Variants in NEFL observed in about 807,000 individuals in gnomAD.
The protein encoded by NEFL is neurofilament light polypeptide.
Under a neutral mutation model 51.6 loss-of-function variants are expected in NEFL, and 36 were observed. The ratio of observed to expected loss-of-function variants is 0.70; its 90% CI spans 0.53 to 0.92. NEFL has a LOEUF of 0.92. Ranked by LOEUF, NEFL falls within the 40% of genes least tolerant of loss-of-function variation. The probability of loss-of-function intolerance (pLI) is 0.00; values close to 1 mark genes in which losing one functional copy is unlikely to be tolerated. For missense variants in NEFL, 671 were observed against 722.0 expected (o/e 0.93, Z 0.81); for synonymous variants, 332 against 302.5 (o/e 1.10, Z -1.01).
At position 24,955,658 on chromosome 8, in the gene NEFL, C is replaced by T; in HGVS notation, c.858G>A (p.Val286=). The T allele has an allele frequency of 6.2e-7, 1 of 1,613,882 alleles. No homozygotes were observed. ...AEEWFKSRFT[V]LTESAAKNTD... Reference sequence around the variant, plus strand: ...TGTTCTTGGCGGCGCTCTCGGTCAGCACGGTGAAGCGGCTCTTGAACCATT... The same window carrying T: ...TGTTCTTGGCGGCGCTCTCGGTCAGTACGGTGAAGCGGCTCTTGAACCATT... The change falls in exon 1 of 4, where the codon GTG becomes GTA. Residue 286 remains valine (V), a synonymous_variant. Coordinates refer to ENST00000610854, the MANE Select transcript of NEFL (RefSeq NM_006158.5). The surrounding 1 kb of genome is among the most constrained non-coding windows in gnomAD (Gnocchi z 4.0).
Position 24,956,056 on chromosome 8 carries a change from T to C in NEFL, c.460A>G (p.Thr154Ala). The change falls in exon 1 of 4, where the codon ACC (threonine) becomes GCC (alanine). Residue 154 changes from threonine (T) to alanine (A), a missense_variant. Coordinates refer to ENST00000610854, the MANE Select transcript of NEFL (RefSeq NM_006158.5). This position sits in a 1 kb window ranked among gnomAD's most constrained non-coding sequence, Gnocchi z 5.9. ...RDLRLAAEDA[T>A]NEKQALQGER... ...CCCTGGAGCGCCTGCTTCTCGTTGG[T>C]GGCATCTTCCGCCGCCAGGCGCAGG... is the stretch of plus-strand genomic sequence containing the variant. 6.2e-7 allele frequency: 1 copy of C among 1,604,288 alleles called. No individual in the cohort carries two copies. Among genetic ancestry groups the C allele is most frequent in the East Asian group, 2.2e-5 (1 of 44,718 alleles).
At position 24,956,086 on chromosome 8, in the gene NEFL, G is replaced by C; in HGVS notation, c.430C>G (p.Arg144Gly). 1.2e-6 allele frequency: 2 copies of C among 1,605,086 alleles called. No homozygotes were observed. The highest frequency in any genetic ancestry group is 2.2e-5 in the East Asian group (1 of 44,716). Residue 144 changes from arginine (R) to glycine (G), a missense_variant, in exon 1 of 4, where the codon CGC becomes GGC. Transcript: ENST00000610854. The surrounding 1 kb of genome is among the most constrained non-coding windows in gnomAD (Gnocchi z 5.9). ...RFRALYEQEIRDLRLAAEDAT... is the reference protein window; with the variant it reads ...RFRALYEQEIGDLRLAAEDAT... Reference sequence around the variant, plus strand: ...TCTTCCGCCGCCAGGCGCAGGTCGCGGATCTCCTGCTCGTACAGCGCCCGG... The same window carrying C: ...TCTTCCGCCGCCAGGCGCAGGTCGCCGATCTCCTGCTCGTACAGCGCCCGG...
chr8:24,956,031 C>T lies in NEFL; in HGVS notation c.485G>A (p.Gly162Asp). 1 of 1,604,418 alleles carries T rather than the reference C, an allele frequency of 6.2e-7. No homozygotes were observed. The highest frequency in any genetic ancestry group is 8.5e-7 in the Non-Finnish European group (1 of 1,178,932). ...DATNEKQALQ[G>D]EREGLEETLR... ...GGTCTCCTCCAGCCCTTCGCGCTCG[C>T]CCTGGAGCGCCTGCTTCTCGTTGGT... The change falls in exon 1 of 4, where the codon GGC becomes GAC. Residue 162 changes from glycine (G) to aspartate (D), a missense_variant. Physicochemically the swap from Gly to Asp is moderately conservative, Grantham distance 94. Transcript: ENST00000610854. This position sits in a 1 kb window ranked among gnomAD's most constrained non-coding sequence, Gnocchi z 5.9.
rs1393822019 is a variant in NEFL at position 24,951,981 on chromosome 8, A to G, written c.*829T>C. On this transcript the variant is annotated 3_prime_UTR_variant, in exon 4 of 4. Transcript: ENST00000610854. ...ATCAGTTTGAAATGACCTATTTATCATGGTTCCATAGTGTAATGGTTAGCA... is the reference window on the plus strand; with the variant it reads ...ATCAGTTTGAAATGACCTATTTATCGTGGTTCCATAGTGTAATGGTTAGCA... 1 of 152,298 alleles carries G rather than the reference A, an allele frequency of 6.6e-6. No individual in the cohort carries two copies. The highest frequency in any genetic ancestry group is 1.5e-5 in the Non-Finnish European group (1 of 68,032). The allele number at this position is 152,298 out of a possible 1,614,324, so 9.4% of individuals were successfully genotyped here. A position where few individuals can be genotyped will look rare whatever the true frequency, so the allele number is the denominator to read the frequency against.
At position 24,953,555 on chromosome 8, in the gene NEFL, G is replaced by A. The variant is rs750359402; in HGVS notation, c.1410C>T (p.Pro470=). Residue 470 remains proline, a synonymous_variant, in exon 3 of 4, where the codon CCC becomes CCT. Transcript: ENST00000610854. ...CCTCCTCGGCTTCTCCTTCAGAGGG[G>A]GGCTCATCCTTGGCTTCCTCAGCCT... ...AAKAEEAKDE[P]PSEGEAEEEE... is the part of the protein sequence containing the mutation. 1.9e-6 allele frequency: 3 copies of A among 1,613,760 alleles called. No homozygotes were observed. The highest frequency in any genetic ancestry group is 2.5e-6 in the Non-Finnish European group (3 of 1,179,832).
rs1391949570 is a variant in NEFL at position 24,956,124 on chromosome 8, T to C, written c.392A>G (p.Glu131Gly). ...GTACAGCGCCCGGAAGCGGGATGGC[T>C]CGGAGTGCTTCTGGCGCAGCACCAG... is the stretch of plus-strand genomic sequence containing the variant. ...ELLVLRQKHS[E>G]PSRFRALYEQ... Residue 131 changes from glutamate to glycine, a missense_variant, in exon 1 of 4, where the codon GAG becomes GGG. Coordinates refer to ENST00000610854, the MANE Select transcript of NEFL (RefSeq NM_006158.5). The surrounding 1 kb of genome is among the most constrained non-coding windows in gnomAD (Gnocchi z 5.9). 2 of 1,608,704 alleles carry C rather than the reference T, an allele frequency of 1.2e-6. No individual in the cohort carries two copies. Among genetic ancestry groups the C allele is most frequent in the Admixed American group, 3.3e-5 (2 of 59,726 alleles).
In NEFL at chr8:24,952,256, T is replaced by C. The variant is rs950528342; in HGVS notation, c.*554A>G. 1.3e-5 allele frequency: 2 copies of C among 152,674 alleles called. No homozygotes were observed. The highest frequency in any genetic ancestry group is 4.8e-5 in the African/African-American group (2 of 41,448). The allele number at this position is 152,674 out of a possible 1,614,324, so 9.5% of individuals were successfully genotyped here. A position where few individuals can be genotyped will look rare whatever the true frequency, so the allele number is the denominator to read the frequency against. Reference sequence around the variant, plus strand: ...CCAATTGAAGGAAGAAAAAAAAGTATTGGTAATTGTTAAAATTTCAACTTT... The same window carrying C: ...CCAATTGAAGGAAGAAAAAAAAGTACTGGTAATTGTTAAAATTTCAACTTT... On this transcript the variant is annotated 3_prime_UTR_variant, in exon 4 of 4. Transcript: ENST00000610854.
In NEFL at chr8:24,956,498, G is replaced by C. The variant is rs2117256073; in HGVS notation, c.18C>G (p.Tyr6Ter). The C allele has an allele frequency of 1.3e-6, 2 of 1,597,420 alleles. No individual in the cohort carries two copies. The highest frequency in any genetic ancestry group is 1.7e-6 in the Non-Finnish European group (2 of 1,173,380). The stretch of plus-strand genomic sequence containing the variant: ...TGTAGGAGGTCGAGTAGTACGGCTC[G>C]TAGCTGAAGGAACTCATGGTGGCGG... MSSFS[Y>*]EPYYSTSYKR... is the part of the protein sequence containing the mutation. The change falls in exon 1 of 4, where the codon TAC (tyrosine) becomes TAG (stop). Residue 6 changes from tyrosine to a stop codon, truncating the protein, a stop_gained. Coordinates refer to ENST00000610854, the MANE Select transcript of NEFL (RefSeq NM_006158.5). LOFTEE classifies it high-confidence loss of function. This position sits in a 1 kb window ranked among gnomAD's most constrained non-coding sequence, Gnocchi z 5.9.
chr8:24,956,481 G>C lies in NEFL; in HGVS notation c.35C>G (p.Thr12Ser). 6.2e-7 allele frequency: 1 copy of C among 1,604,282 alleles called. No individual in the cohort carries two copies. The highest frequency in any genetic ancestry group is 2.2e-5 in the East Asian group (1 of 44,498). The change falls in exon 1 of 4, where the codon ACC (threonine) becomes AGC (serine). Residue 12 changes from threonine (T) to serine (S), a missense_variant. Thr to Ser is a moderately conservative substitution (Grantham distance 58). Transcript: ENST00000610854. The surrounding 1 kb of genome is among the most constrained non-coding windows in gnomAD (Gnocchi z 5.9). ...SSFSYEPYYS[T>S]SYKRRYVETP... ...CTCCACGTAGCGCCGCTTGTAGGAGGTCGAGTAGTACGGCTCGTAGCTGAA... is the reference window on the plus strand; with the variant it reads ...CTCCACGTAGCGCCGCTTGTAGGAGCTCGAGTAGTACGGCTCGTAGCTGAA...
chr8:24,955,908 G>A lies in NEFL; in HGVS notation c.608C>T (p.Ala203Val), dbSNP rs753319598. The A allele has an allele frequency of 1.2e-6, 2 of 1,605,058 alleles. No individual in the cohort carries two copies. The highest frequency in any genetic ancestry group is 1.7e-6 in the Non-Finnish European group (2 of 1,179,716). The change falls in exon 1 of 4, where the codon GCG becomes GTG. Residue 203 changes from alanine (A) to valine (V), a missense_variant. By Grantham distance (64) the Ala-to-Val change is moderately conservative. Transcript: ENST00000610854. The surrounding 1 kb of genome is among the most constrained non-coding windows in gnomAD (Gnocchi z 4.0). ...CTTCTCGAGCTCGGCGCGAGCGAGC[G>A]CCGCCTCGTCGGCGCCTTTGCGCGC... ...MEARKGADEA[A>V]LARAELEKRI...
rs757690584 is a variant in NEFL at position 24,956,038 on chromosome 8, G to A, written c.478C>T (p.Leu160Phe). Residue 160 changes from leucine to phenylalanine, a missense_variant, in exon 1 of 4, where the codon CTC becomes TTC. Coordinates refer to ENST00000610854, the MANE Select transcript of NEFL (RefSeq NM_006158.5). The surrounding 1 kb of genome is among the most constrained non-coding windows in gnomAD (Gnocchi z 5.9). ...TCCAGCCCTTCGCGCTCGCCCTGGA[G>A]CGCCTGCTTCTCGTTGGTGGCATCT... is the stretch of plus-strand genomic sequence containing the variant. ...AEDATNEKQA[L>F]QGEREGLEET... 1 of 1,604,416 alleles carries A rather than the reference G, an allele frequency of 6.2e-7. No homozygotes were observed. The highest frequency in any genetic ancestry group is 1.1e-5 in the South Asian group (1 of 90,524).
Sources: allele counts gnomAD v4.1 joint callset, GRCh38; gene constraint gnomAD v4.1.1; non-coding constraint Gnocchi (gnomAD v3.1); transcripts MANE v1.5; gene names NCBI Gene and HGNC (gene_info 2026-07-23, HGNC 2026-07-21).